Variants in SNTB2 observed in about 807,000 individuals in gnomAD.
SNTB2 encodes the protein syntrophin beta 2.
A neutral mutation model predicts 46.2 loss-of-function variants in SNTB2; 34 were observed. The ratio of observed to expected loss-of-function variants is 0.74; its 90% confidence interval spans 0.56 to 0.98. SNTB2 has a LOEUF of 0.98. Among genes scored for constraint, SNTB2 ranks in the 50% least tolerant of loss-of-function variants. The pLI, the probability that SNTB2 is intolerant of heterozygous loss-of-function variation, is 0.00. For synonymous variants in SNTB2, 290 were observed against 312.6 expected (o/e 0.93, Z 0.76); for missense variants, 603 against 731.4 (o/e 0.82, Z 2.02).
chr16:69,248,754 G>A (rs894482460), intron 2 of SNTB2, among the ~76,000 whole-genome samples: 7 of 151,788 alleles, frequency 4.6e-5, no homozygotes, highest in Admixed American at 3.3e-4. Context: ...GAGGCCAGGA[G>A]TTTAAGACCA....
At chr16:69,234,187 G>A (rs928721505) in intron 1 of SNTB2, among the ~76,000 whole-genome samples, 2 of 152,276 alleles carry the variant, frequency 1.3e-5, no homozygotes, top group African/African-American at 4.8e-5. Flanking sequence ...ACAAAAATTA[G>A]CTGGGTGCTG....
chr16:69,266,546 G>T (rs762164737), intron 3 of SNTB2, among the ~76,000 whole-genome samples: 9 of 152,102 alleles, frequency 5.9e-5, no homozygotes, highest in African/African-American at 1.4e-4. Context: ...TTAAACAAAG[G>T]TCTCTTTCTT....
At chr16:69,214,413 G>T (rs1225544145) in intron 1 of SNTB2, among the ~76,000 whole-genome samples, 1 of 151,862 alleles carries the variant, frequency 6.6e-6, no homozygotes, top group East Asian at 1.9e-4. Flanking sequence ...CTCCCAAAGT[G>T]CTAGGATTAT....
intron 5 of SNTB2, among the ~76,000 whole-genome samples, chr16:69,295,152 G>A (rs772662079): frequency 6.9e-6 from 1 of 145,672 alleles, no homozygotes; most frequent in Non-Finnish European, 1.5e-5. Flanking sequence ...TTTAACTTCA[G>A]TACTTACTAT....
chr16:69,284,891 A>G (rs1232398638), intron 5 of SNTB2, among the ~76,000 whole-genome samples: 1 of 152,184 alleles, frequency 6.6e-6, no homozygotes, highest in African/African-American at 2.4e-5. Flanking sequence ...CTGGGCAACC[A>G]GAGTGAGACC....
intron 6 of SNTB2, among the ~76,000 whole-genome samples, chr16:69,300,628 T>C (rs1022119667): frequency 1.3e-5 from 2 of 152,218 alleles, no homozygotes; most frequent in South Asian, 2.1e-4. Flanking sequence ...TGTCTCCTAA[T>C]TGGGGATGTG....
intron 5 of SNTB2, among the ~76,000 whole-genome samples, chr16:69,284,459 TAAAAAAAAAAAAA>T (rs3087058): frequency 3.7e-4 from 17 of 45,910 alleles, no homozygotes; most frequent in African/African-American, 1.3e-3. Flanking sequence ...CCGTCTTTAC[TAAAAAAAAAAAAA>T]AAAAAAAAAA....
chr16:69,225,150 C>G (rs1567401974), intron 1 of SNTB2, among the ~76,000 whole-genome samples: 1 of 152,018 alleles, frequency 6.6e-6, no homozygotes, highest in Non-Finnish European at 1.5e-5. Flanking sequence ...TTCTTTTATA[C>G]AAAAAAGAGA....
intron 3 of SNTB2, among the ~76,000 whole-genome samples, chr16:69,269,244 CA>C (rs2143116135): frequency 6.6e-6 from 1 of 151,122 alleles, no homozygotes; most frequent in Non-Finnish European, 1.5e-5. Flanking sequence ...ATGGGCCAGG[CA>C]TGGTGGCTCA....
intron 5 of SNTB2, among the ~76,000 whole-genome samples, chr16:69,288,097 G>C (rs1157671053): frequency 2.0e-5 from 3 of 152,114 alleles, no homozygotes; most frequent in East Asian, 3.9e-4. Context: ...ATCACACTGG[G>C]ATGCTCTGTG....
intron 1 of SNTB2, among the ~76,000 whole-genome samples, chr16:69,200,077 G>C (rs1244059350): frequency 6.6e-6 from 1 of 152,130 alleles, no homozygotes; most frequent in Non-Finnish European, 1.5e-5. Context: ...ACCACACCCA[G>C]CTAATTTTTT....
intron 2 of SNTB2, among the ~76,000 whole-genome samples, chr16:69,259,038 T>C (rs1209210910): frequency 2.6e-5 from 4 of 152,154 alleles, no homozygotes; most frequent in Non-Finnish European, 5.9e-5. Flanking sequence ...GTTCCTTCTT[T>C]ACAGTGTGCC....
chr16:69,221,262 C>T (rs1347964042), intron 1 of SNTB2, among the ~76,000 whole-genome samples: 1 of 152,162 alleles, frequency 6.6e-6, no homozygotes, highest in Non-Finnish European at 1.5e-5. Flanking sequence ...TCCTTCTAAA[C>T]CTAAATTCCT....
intron 1 of SNTB2, among the ~76,000 whole-genome samples, chr16:69,193,472 G>A (rs1352962790): frequency 6.6e-6 from 1 of 151,650 alleles, no homozygotes; most frequent in Non-Finnish European, 1.5e-5. Context: ...TGGATTACTG[G>A]TGTGTGCCAC....
chr16:69,267,956 G>C (rs1234204719), intron 3 of SNTB2, among the ~76,000 whole-genome samples: 1 of 152,236 alleles, frequency 6.6e-6, no homozygotes, highest in African/African-American at 2.4e-5. Context: ...ATGCAGTGTT[G>C]TTGAACAGTC....
intron 4 of SNTB2, among the ~76,000 whole-genome samples, chr16:69,281,485 G>GT (rs575825315): frequency 0.021 from 2,904 of 135,586 alleles, 34 homozygotes; most frequent in African/African-American, 0.033. Flanking sequence ...GTAAGGTCTG[G>GT]TTTTTTTTTT....
At chr16:69,287,863 AAT>A (rs147955492) in intron 5 of SNTB2, among the ~76,000 whole-genome samples, 50 of 147,624 alleles carry the variant, frequency 3.4e-4, no homozygotes, top group Middle Eastern at 3.5e-3. Flanking sequence ...TGTCTCAAAA[AAT>A]ATATATATAT....
intron 4 of SNTB2, among the ~76,000 whole-genome samples, chr16:69,274,417 G>A (rs1157781581): frequency 1.3e-5 from 2 of 152,124 alleles, no homozygotes; most frequent in Non-Finnish European, 2.9e-5. Flanking sequence ...ACTTTGGGAG[G>A]CCACGGCGGG....
rs113338984 is a variant in SNTB2 at position 69,282,015 on chromosome 16, C to A, written c.1149-2033C>A. Among the ~76,000 whole-genome samples, 59 of 148,638 alleles carry A rather than the reference C, an allele frequency of 4.0e-4. No individual in the cohort carries two copies. In the South Asian group the frequency reaches 8.2e-3, roughly 21 times the overall value. ...CACCTTCCCGGGTTCAAGCGATTCT[C>A]CTGCCTCAGCCTTCCGAGTAGCTGA... On this transcript the variant is annotated intron_variant, in intron 4 of 6. Transcript: ENST00000336278.
Sources: allele counts gnomAD v4.1 joint callset (sites outside exome capture counted in the v4.1 genomes callset), GRCh38; gene constraint gnomAD v4.1.1; transcripts MANE v1.5; gene names NCBI Gene and HGNC (gene_info 2026-07-23, HGNC 2026-07-21).